DYNC2H1: variants seen among roughly 807,000 people sequenced by gnomAD.
DYNC2H1 encodes the protein dynein cytoplasmic 2 heavy chain 1, also known as cytoplasmic dynein 2 heavy chain 1.
DYNC2H1 carries 410 observed loss-of-function variants against 570.0 expected under a neutral mutation model. The ratio of observed to expected loss-of-function variants is 0.72; its 90% CI spans 0.66 to 0.78. The LOEUF is 0.78. Ranked by LOEUF, DYNC2H1 falls within the 30% of genes least tolerant of loss-of-function variation. The pLI is 0.00. For synonymous variants in DYNC2H1, 1,688 were observed against 1,677.6 expected, an observed-to-expected ratio of 1.01 and a Z score of -0.15; for missense variants, 4,865 against 5,046.4, an observed-to-expected ratio of 0.96 and a Z score of 1.09.
chr11:103,328,141 C>T (rs999641832), intron 82 of DYNC2H1, among the ~76,000 whole-genome samples: 2 of 152,080 alleles, frequency 1.3e-5, no homozygotes, highest in African/African-American at 4.8e-5. Context: ...CCTTAGTATT[C>T]CAATTTTTAT....
At chr11:103,448,082 T>C (rs1442323885) in intron 85 of DYNC2H1, among the ~76,000 whole-genome samples, 2 of 152,132 alleles carry the variant, frequency 1.3e-5, no homozygotes, top group East Asian at 1.9e-4. Context: ...TTTTTCCACC[T>C]TATTGGATGC....
intron 17 of DYNC2H1, among the ~76,000 whole-genome samples, chr11:103,136,446 A>T (rs183949926): frequency 0.016 from 2,393 of 148,276 alleles, 31 homozygotes; most frequent in Non-Finnish European, 0.024. Flanking sequence ...TCATTGTTCA[A>T]TTCCCACCTA....
At chr11:103,274,328 C>G (rs1865825874) in intron 70 of DYNC2H1, among the ~76,000 whole-genome samples, 1 of 151,880 alleles carries the variant, frequency 6.6e-6, no homozygotes, top group Non-Finnish European at 1.5e-5. Flanking sequence ...CTACTGCACC[C>G]CAGCCTGGGC....
intron 20 of DYNC2H1, 131 bp downstream of exon 20, chr11:103,148,748 T>A (rs1860373613): frequency 2.5e-6 from 3 of 1,181,436 alleles, no homozygotes; most frequent in Middle Eastern, 3.0e-4. Flanking sequence ...ATAGTCTGGC[T>A]TACCTGGTTA....
intron 84 of DYNC2H1, 28 bp from the exon 85 acceptor site, chr11:103,435,915 C>A (rs755364435): frequency 3.7e-6 from 6 of 1,606,604 alleles, no homozygotes; most frequent in Non-Finnish European, 5.1e-6. Flanking sequence ...TATACACAAA[C>A]TTAATTTTGA....
chr11:103,169,910 T>C lies in DYNC2H1; in HGVS notation c.4969-198T>C, dbSNP rs540250609. Reference sequence around the variant, plus strand: ...GTATTGAGTATAGTATGAAATACTTTCTTGAAAAATAAGTTTGATTTCAGC... The same window carrying C: ...GTATTGAGTATAGTATGAAATACTTCCTTGAAAAATAAGTTTGATTTCAGC... On this transcript the variant is annotated intron_variant, in intron 32 of 88. Transcript: ENST00000375735. Among the ~76,000 whole-genome samples, 5 of 152,352 alleles carry C rather than the reference T, an allele frequency of 3.3e-5. No homozygotes were observed. In the East Asian group the frequency reaches 5.8e-4, roughly 18 times the overall value.
At chr11:103,396,926 G>A (rs754342582) in intron 83 of DYNC2H1, among the ~76,000 whole-genome samples, 4 of 152,100 alleles carry the variant, frequency 2.6e-5, no homozygotes, top group Non-Finnish European at 5.9e-5. Context: ...TAAACAATGG[G>A]TACACATGGA....
Position 103,311,544 on chromosome 11 carries a change from C to A in DYNC2H1, c.11494-334C>A, listed in dbSNP as rs190752858. Among the ~76,000 whole-genome samples, 820 of 151,710 alleles carry A rather than the reference C, an allele frequency of 5.4e-3. 6 individuals are homozygous for A. Among genetic ancestry groups the A allele is most frequent in the African/African-American group, 0.019 (785 of 41,362 alleles). On this transcript the variant is annotated intron_variant, in intron 78 of 88. Transcript: ENST00000375735. ...ACTCAAATACCTGTCCCATAACAATCAATATCACATTAGTATTATTAAGTA... is the reference window on the plus strand; with the variant it reads ...ACTCAAATACCTGTCCCATAACAATAAATATCACATTAGTATTATTAAGTA...
chr11:103,447,238 A>G (rs1171338480), intron 85 of DYNC2H1, among the ~76,000 whole-genome samples: 5 of 152,174 alleles, frequency 3.3e-5, no homozygotes, highest in South Asian at 2.1e-4. Context: ...TACCAAATCT[A>G]TGGATGGAAA....
intron 82 of DYNC2H1, among the ~76,000 whole-genome samples, chr11:103,343,618 T>A (rs1939591327): frequency 6.6e-6 from 1 of 152,140 alleles, no homozygotes; most frequent in Non-Finnish European, 1.5e-5. Flanking sequence ...CCTATTCATA[T>A]GACGAGAAGT....
intron 83 of DYNC2H1, 25 bp downstream of exon 83, chr11:103,358,384 T>G (rs1180513358): frequency 2.1e-6 from 3 of 1,459,878 alleles, no homozygotes; most frequent in Admixed American, 2.0e-5. Context: ...ATTCTTCTGA[T>G]TCTTTTGCTT....
chr11:103,412,727 T>C (rs988276882), intron 84 of DYNC2H1, among the ~76,000 whole-genome samples: 4 of 152,186 alleles, frequency 2.6e-5, no homozygotes, highest in African/African-American at 7.2e-5. Flanking sequence ...TGTTTAATCA[T>C]TTTGAAATCA....
chr11:103,474,273 T>C (rs1318940052), intron 88 of DYNC2H1, among the ~76,000 whole-genome samples: 1 of 152,202 alleles, frequency 6.6e-6, no homozygotes, highest in Non-Finnish European at 1.5e-5. Flanking sequence ...ATTGCATCAC[T>C]GAATTGTGCT....
chr11:103,387,967 A>ATTGGCTTGGGT (rs1297189641), intron 83 of DYNC2H1, among the ~76,000 whole-genome samples: 1 of 152,084 alleles, frequency 6.6e-6, no homozygotes, highest in African/African-American at 2.4e-5. Flanking sequence ...TTGGCTTGGG[A>ATTGGCTTGGGT]TTGACTTGGC....
Position 103,304,380 on chromosome 11 carries a change from A to T in DYNC2H1, c.11257-215A>T, listed in dbSNP as rs189426531. ...GGGAGCTCTACAGATTGTACCTGTT[A>T]CTAGTGATTTTGGCAGGAAGGTTAA... On this transcript the variant is annotated intron_variant, in intron 76 of 88. Coordinates refer to ENST00000375735, the MANE Select transcript of DYNC2H1 (RefSeq NM_001377.3). Among the ~76,000 whole-genome samples, 293 of 152,230 alleles carry T rather than the reference A, an allele frequency of 1.9e-3. 1 individual carries two copies. The highest frequency in any genetic ancestry group is 3.2e-3 in the Non-Finnish European group (219 of 68,000).
intron 84 of DYNC2H1, among the ~76,000 whole-genome samples, chr11:103,424,857 A>G (rs1192474732): frequency 6.6e-6 from 1 of 152,190 alleles, no homozygotes; most frequent in Non-Finnish European, 1.5e-5. Context: ...AAACTATTTT[A>G]TAGTATTTCT....
intron 79 of DYNC2H1, 26 bp from the exon 80 acceptor site, chr11:103,316,519 T>G (rs1290638404): frequency 6.7e-7 from 1 of 1,501,996 alleles, no homozygotes; most frequent in Non-Finnish European, 9.0e-7. Context: ...CTTAGTTGTT[T>G]ACTTAAAAAA....
chr11:103,293,408 T>C (rs190754926), intron 75 of DYNC2H1, among the ~76,000 whole-genome samples: 164 of 152,270 alleles, frequency 1.1e-3, no homozygotes, highest in African/African-American at 3.8e-3. Flanking sequence ...CTTATTTAGA[T>C]AGAATCTGTT....
At chr11:103,236,276 T>G (rs1187688796) in intron 62 of DYNC2H1, among the ~76,000 whole-genome samples, 154 bp from the exon 63 acceptor site, 1 of 151,948 alleles carries the variant, frequency 6.6e-6, no homozygotes. Context: ...GTTTTAGACT[T>G]TTTTCTCCGT....
Sources: gnomAD v4.1 joint callset for allele counts (sites outside exome capture counted in the v4.1 genomes callset) on GRCh38, gnomAD v4.1.1 for gene constraint, MANE v1.5 for transcripts, NCBI Gene and HGNC (gene_info 2026-07-23, HGNC 2026-07-21) for gene names.